Variants in ADAMTSL1 observed in about 807,000 individuals in gnomAD.
ADAMTSL1 encodes ADAMTS like 1.
Under a neutral mutation model 201.8 loss-of-function variants are expected in ADAMTSL1, and 126 were observed. The observed-to-expected ratio is 0.62, with a 90% CI of 0.54 to 0.72. ADAMTSL1 has a LOEUF of 0.72. Among genes scored for constraint, ADAMTSL1 ranks in the 30% least tolerant of loss-of-function variants. The probability of loss-of-function intolerance (pLI) is 0.00; values close to 1 mark genes in which losing one functional copy is unlikely to be tolerated. For missense variants in ADAMTSL1, 2,679 were observed against 2,277.8 expected (o/e 1.18, Z -3.59); for synonymous variants, 1,121 against 903.4 (o/e 1.24, Z -4.32).
At chr9:18,185,594 C>G (rs2132204257) in intron 2 of ADAMTSL1, among the ~76,000 whole-genome samples, 1 of 152,174 alleles carries the variant, frequency 6.6e-6, no homozygotes, top group East Asian at 1.9e-4. Flanking sequence ...AAAGACATTG[C>G]TACTTGAATC....
At chr9:18,757,617 G>T (rs555933530) in intron 16 of ADAMTSL1, among the ~76,000 whole-genome samples, 77 of 152,146 alleles carry the variant, frequency 5.1e-4, no homozygotes, top group African/African-American at 1.8e-3. Context: ...ACTCCCCTGT[G>T]CTGGTCAAGG....
At chr9:18,236,225 C>A (rs1165303486) in intron 2 of ADAMTSL1, among the ~76,000 whole-genome samples, 2 of 152,142 alleles carry the variant, frequency 1.3e-5, no homozygotes, top group Admixed American at 6.5e-5. Flanking sequence ...CACCCACCAC[C>A]ACGCCCGACT....
At chr9:18,412,918 CGTAT>C (rs942465047) in intron 2 of ADAMTSL1, among the ~76,000 whole-genome samples, 1 of 152,020 alleles carries the variant, frequency 6.6e-6, no homozygotes, top group Non-Finnish European at 1.5e-5. Context: ...GCTGATATTT[CGTAT>C]GTGATTTTTG....
At chr9:18,885,021 T>G (rs974924047) in intron 23 of ADAMTSL1, among the ~76,000 whole-genome samples, 2 of 152,202 alleles carry the variant, frequency 1.3e-5, no homozygotes, top group African/African-American at 2.4e-5. Flanking sequence ...TCCGTAAACA[T>G]GAGATGTCCT....
chr9:18,467,225 G>A (rs922546757), intron 2 of ADAMTSL1, among the ~76,000 whole-genome samples: 29 of 152,160 alleles, frequency 1.9e-4, no homozygotes, highest in African/African-American at 7.0e-4. Flanking sequence ...ATAGATATAT[G>A]AGACCCATTT....
chr9:17,981,547 G>A (rs1818695564), intron 1 of ADAMTSL1, among the ~76,000 whole-genome samples: 1 of 152,102 alleles, frequency 6.6e-6, no homozygotes. Context: ...CTTGAAAATT[G>A]TTCGAGTGAG....
At chr9:18,290,604 A>C (rs1833212993) in intron 2 of ADAMTSL1, among the ~76,000 whole-genome samples, 1 of 151,890 alleles carries the variant, frequency 6.6e-6, no homozygotes, top group Non-Finnish European at 1.5e-5. Flanking sequence ...CCCCCAAACC[A>C]ACATCCATAC....
At chr9:18,581,402 G>C (rs190797682) in intron 4 of ADAMTSL1, among the ~76,000 whole-genome samples, 2 of 152,246 alleles carry the variant, frequency 1.3e-5, no homozygotes, top group East Asian at 3.9e-4. Flanking sequence ...TCTTTTGGGG[G>C]AGACACAATT....
At chr9:18,766,469 T>C (rs7866823) in intron 16 of ADAMTSL1, among the ~76,000 whole-genome samples, 1,728 of 152,278 alleles carry the variant, frequency 0.011, 25 homozygotes, top group African/African-American at 0.039. Flanking sequence ...AAGGAACTCT[T>C]TTTCAAATGA....
chr9:18,304,941 G>A (rs577203093), intron 2 of ADAMTSL1, among the ~76,000 whole-genome samples: 16 of 122,806 alleles, frequency 1.3e-4, no homozygotes, highest in East Asian at 5.0e-4. Context: ...GAACAGCTCC[G>A]ATCTGCAGCT....
chr9:18,544,021 G>A lies in ADAMTSL1; in HGVS notation c.237+10729G>A, dbSNP rs539496738. ...CGGGAGGGTTCTGGTATGAACACTCGTCAGTGGAAAGAATACAGGCTTGGG... is the reference window on the plus strand; with the variant it reads ...CGGGAGGGTTCTGGTATGAACACTCATCAGTGGAAAGAATACAGGCTTGGG... On this transcript the variant is annotated intron_variant, in intron 3 of 28. Transcript: ENST00000380548. Among the ~76,000 whole-genome samples the A allele has an allele frequency of 8.5e-5, 13 of 152,168 alleles. No homozygotes were observed. In the East Asian group the frequency reaches 1.7e-3, roughly 20 times the overall value.
intron 1 of ADAMTSL1, among the ~76,000 whole-genome samples, chr9:17,908,293 G>A (rs1825801414): frequency 6.6e-6 from 1 of 152,134 alleles, no homozygotes; most frequent in Non-Finnish European, 1.5e-5. Context: ...AATTACCTAG[G>A]GGAGCTCTAG....
chr9:18,683,094 G>A (rs369461923), intron 12 of ADAMTSL1, among the ~76,000 whole-genome samples: 17 of 152,312 alleles, frequency 1.1e-4, no homozygotes, highest in African/African-American at 3.6e-4. Flanking sequence ...CCACAGGTGC[G>A]TCTGACAGGA....
At chr9:18,510,434 A>G (rs1817958417) in intron 2 of ADAMTSL1, among the ~76,000 whole-genome samples, 1 of 152,198 alleles carries the variant, frequency 6.6e-6, no homozygotes, top group South Asian at 2.1e-4. Flanking sequence ...TTCATTCTCA[A>G]CAAGCAGTAC....
rs79999538 is a variant in ADAMTSL1, at chr9:18,492,074, T to C, written c.64-12755T>C. On this transcript the variant is annotated intron_variant, in intron 1 of 28. Coordinates refer to ENST00000380548, the MANE Select transcript of ADAMTSL1 (RefSeq NM_001040272.6). ...GACAATAGTAACTGACTCTCATTTATTATTGATAAAGGACTTAATATGTAG... is the reference window on the plus strand; with the variant it reads ...GACAATAGTAACTGACTCTCATTTACTATTGATAAAGGACTTAATATGTAG... 1.8e-3 allele frequency among the ~76,000 whole-genome samples: 280 copies of C among 152,318 alleles called. 3 individuals carry two copies. Among genetic ancestry groups the C allele is most frequent in the African/African-American group, 6.5e-3 (272 of 41,572 alleles).
chr9:17,927,084 A>G (rs759857433), intron 1 of ADAMTSL1, among the ~76,000 whole-genome samples: 1 of 152,190 alleles, frequency 6.6e-6, no homozygotes, highest in Non-Finnish European at 1.5e-5. Context: ...ATCCCCTGGC[A>G]ACCACCATAC....
rs1346120220 is a variant in ADAMTSL1 at position 18,777,830 on chromosome 9, C to T, written c.3601C>T (p.His1201Tyr). 1.2e-6 allele frequency: 2 copies of T among 1,607,832 alleles called. No homozygotes were observed. The highest frequency in any genetic ancestry group is 8.5e-7 in the Non-Finnish European group (1 of 1,175,384). Residue 1201 changes from histidine (H) to tyrosine (Y), a missense_variant, in exon 19 of 29, where the codon CAC becomes TAC. By Grantham distance (83) the His-to-Tyr change is moderately conservative. Coordinates refer to ENST00000380548, the MANE Select transcript of ADAMTSL1 (RefSeq NM_001040272.6). The stretch of plus-strand genomic sequence containing the variant: ...CAGCGGGACACTGAGTGTTCTTCTG[C>T]ACTGTGAGGCCATCGGCCACCCAAG... The part of the protein sequence containing the change: ...LASGTLSVLL[H>Y]CEAIGHPRPT...
At chr9:18,852,228 G>A (rs934483) in intron 23 of ADAMTSL1, among the ~76,000 whole-genome samples, 20,771 of 152,100 alleles carry the variant, frequency 0.14, 2,886 homozygotes, top group African/African-American at 0.35. Context: ...ATGACCTTGG[G>A]CAAATTATGG....
At chr9:18,871,230 G>A (rs1588278386) in intron 23 of ADAMTSL1, among the ~76,000 whole-genome samples, 1 of 152,072 alleles carries the variant, frequency 6.6e-6, no homozygotes, top group Admixed American at 6.6e-5. Flanking sequence ...AATATGTTTG[G>A]TCAGTTATTT....
Sources: allele counts gnomAD v4.1 joint callset (sites outside exome capture counted in the v4.1 genomes callset), GRCh38; gene constraint gnomAD v4.1.1; transcripts MANE v1.5; gene names NCBI Gene and HGNC (gene_info 2026-07-23, HGNC 2026-07-21).